Variants in SLC2A13 observed in about 807,000 individuals in gnomAD.
SLC2A13 encodes the protein proton myo-inositol cotransporter.
A neutral mutation model predicts 64.4 loss-of-function variants in SLC2A13; 32 were observed. The observed-to-expected ratio is 0.50, with a 90% CI of 0.37 to 0.67. The LOEUF (loss-of-function observed/expected upper bound fraction) is 0.67, where lower values mean the gene tolerates loss of function less well. SLC2A13 is among the 30% of genes least tolerant of loss of function. The pLI is 0.00. For missense variants in SLC2A13, 743 were observed against 829.2 expected (o/e 0.90, Z 1.28); for synonymous variants, 338 against 327.1 (o/e 1.03, Z -0.36).
intron 4 of SLC2A13, among the ~76,000 whole-genome samples, chr12:39,897,165 G>A (rs1270499192): frequency 6.6e-6 from 1 of 152,044 alleles, no homozygotes; most frequent in Non-Finnish European, 1.5e-5. Flanking sequence ...CTGCCTTCTG[G>A]TTAATTTTTC....
chr12:39,782,527 A>G (rs1278964216), intron 7 of SLC2A13, among the ~76,000 whole-genome samples: 1 of 152,180 alleles, frequency 6.6e-6, no homozygotes, highest in African/African-American at 2.4e-5. Context: ...TGTAAGTCCA[A>G]TTAAACCTCT....
intron 7 of SLC2A13, among the ~76,000 whole-genome samples, chr12:39,780,083 G>C (rs1303568669): frequency 6.6e-6 from 1 of 152,188 alleles, no homozygotes; most frequent in Non-Finnish European, 1.5e-5. Flanking sequence ...TTCCTCATTT[G>C]ATGAAATTGA....
At chr12:39,980,451 T>C (rs1326403678) in intron 3 of SLC2A13, among the ~76,000 whole-genome samples, 2 of 151,086 alleles carry the variant, frequency 1.3e-5, no homozygotes, top group Middle Eastern at 3.4e-3. Context: ...GAGACACACA[T>C]AGGCTCAAAA....
chr12:40,014,573 C>A (rs1048231481), intron 3 of SLC2A13, among the ~76,000 whole-genome samples: 1 of 152,042 alleles, frequency 6.6e-6, no homozygotes, highest in Non-Finnish European at 1.5e-5. Flanking sequence ...CTCACTGCAA[C>A]CTCCACCTCC....
rs756091907 is a variant in SLC2A13, at chr12:39,871,859, A to G, written c.1137T>C (p.Leu379=). 4.3e-6 allele frequency: 7 copies of G among 1,612,734 alleles called. No homozygotes were observed. Among genetic ancestry groups the G allele is most frequent in the East Asian group, 2.2e-5 (1 of 44,802 alleles). Residue 379 remains leucine (L), a synonymous_variant, in exon 5 of 10, where the codon CTT becomes CTC. Transcript: ENST00000280871. ...VTAFTNFIFT[L]VGVWLVEKVG... is the part of the protein sequence containing the mutation. Reference sequence around the variant, plus strand: ...CCTTCTCAACAAGCCAGACTCCCACAAGTGTGAAAATGAAATTTGTGAAGG... The same window carrying G: ...CCTTCTCAACAAGCCAGACTCCCACGAGTGTGAAAATGAAATTTGTGAAGG...
chr12:40,093,913 T>C (rs1366734938), intron 1 of SLC2A13, among the ~76,000 whole-genome samples: 1 of 152,126 alleles, frequency 6.6e-6, no homozygotes, highest in Non-Finnish European at 1.5e-5. Flanking sequence ...TGGCATAGTC[T>C]GATTTATATT....
At chr12:40,016,015 CAGATAA>C (rs1947615033) in intron 3 of SLC2A13, among the ~76,000 whole-genome samples, 1 of 152,060 alleles carries the variant, frequency 6.6e-6, no homozygotes, top group South Asian at 2.1e-4. Context: ...AAACTGCTAA[CAGATAA>C]AATCAGAAAA....
intron 4 of SLC2A13, among the ~76,000 whole-genome samples, chr12:39,924,411 A>G (rs1413976729): frequency 6.6e-6 from 1 of 152,090 alleles, no homozygotes; most frequent in Non-Finnish European, 1.5e-5. Flanking sequence ...TGATTCTGCA[A>G]TTATTAGGAT....
chr12:39,927,849 T>C (rs751269796), intron 4 of SLC2A13, among the ~76,000 whole-genome samples: 1 of 152,190 alleles, frequency 6.6e-6, no homozygotes, highest in African/African-American at 2.4e-5. Flanking sequence ...TCAACACTTA[T>C]TGAGCTCCTG....
In SLC2A13 at chr12:39,921,127, G is replaced by A. The variant is rs368860556; in HGVS notation, c.1034+30130C>T. 9.2e-5 allele frequency among the ~76,000 whole-genome samples: 14 copies of A among 152,166 alleles called. No homozygotes were observed. In the East Asian group the frequency reaches 1.7e-3, roughly 19 times the overall value. ...TTTTATACATAGGGTTTCTAATTGC[G>A]TTATCTAGCACTAGGATTATCTATA... is the stretch of plus-strand genomic sequence containing the variant. On this transcript the variant is annotated intron_variant, in intron 4 of 9. Coordinates refer to ENST00000280871, the MANE Select transcript of SLC2A13 (RefSeq NM_052885.4).
chr12:40,036,770 T>G (rs1437472376), intron 2 of SLC2A13, among the ~76,000 whole-genome samples: 1 of 152,300 alleles, frequency 6.6e-6, no homozygotes, highest in South Asian at 2.1e-4. Context: ...TGATTTTCCA[T>G]AAAAAATTTA....
rs1947782719 is a variant in SLC2A13, at chr12:40,025,123, CAA to C, written c.925+3176_925+3177del. Among the ~76,000 whole-genome samples the C allele has an allele frequency of 2.0e-5, 3 of 152,198 alleles. No homozygotes were observed. In the South Asian group the frequency reaches 6.2e-4, roughly 31 times the overall value. ...GCCAACTATAGTGGAAAAAAACACACAAGACATTGGATGTCATGCAAATGAGT... is the reference window on the plus strand; with the variant it reads ...GCCAACTATAGTGGAAAAAAACACACGACATTGGATGTCATGCAAATGAGT... On this transcript the variant is annotated intron_variant, in intron 3 of 9. Transcript: ENST00000280871.
intron 1 of SLC2A13, among the ~76,000 whole-genome samples, chr12:40,072,353 T>C (rs1027595015): frequency 6.6e-6 from 1 of 152,130 alleles, no homozygotes; most frequent in Non-Finnish European, 1.5e-5. Flanking sequence ...TAGGGAAGAA[T>C]GTGTATTCTG....
At chr12:40,001,809 T>A (rs1234074551) in intron 3 of SLC2A13, among the ~76,000 whole-genome samples, 1 of 152,238 alleles carries the variant, frequency 6.6e-6, no homozygotes. Flanking sequence ...ATTTCTTCAA[T>A]AAATATGACA....
chr12:39,965,409 T>TA (rs1467707247), intron 3 of SLC2A13, among the ~76,000 whole-genome samples: 1 of 152,192 alleles, frequency 6.6e-6, no homozygotes, highest in Non-Finnish European at 1.5e-5. Context: ...CTCCTCTTGT[T>TA]ACATTTAGCA....
intron 2 of SLC2A13, 83 bp downstream of exon 2, chr12:40,047,968 T>A (rs1205253387): frequency 7.6e-7 from 1 of 1,309,410 alleles, no homozygotes; most frequent in African/African-American, 1.5e-5. Context: ...CACACAGCTA[T>A]ATTTTGACTA....
intron 2 of SLC2A13, among the ~76,000 whole-genome samples, chr12:40,045,492 T>C (rs1404050778): frequency 6.6e-6 from 1 of 150,632 alleles, no homozygotes; most frequent in African/African-American, 2.4e-5. Flanking sequence ...TATAACCACA[T>C]TCCTATTAGC....
chr12:40,048,458 G>C (rs576282421), intron 1 of SLC2A13, among the ~76,000 whole-genome samples: 1 of 152,140 alleles, frequency 6.6e-6, no homozygotes, highest in South Asian at 2.1e-4. Flanking sequence ...CACCCCTAAA[G>C]ACCTAAGATA....
chr12:40,042,960 A>G (rs111834935), intron 2 of SLC2A13, among the ~76,000 whole-genome samples: 370 of 25,868 alleles, frequency 0.014, no homozygotes, highest in African/African-American at 0.044. Context: ...CATAAGAATG[A>G]AAAAAAAAAA....
Sources: gnomAD v4.1 joint callset for allele counts (sites outside exome capture counted in the v4.1 genomes callset) on GRCh38, gnomAD v4.1.1 for gene constraint, MANE v1.5 for transcripts, NCBI Gene and HGNC (gene_info 2026-07-23, HGNC 2026-07-21) for gene names.